Variants in OTOGL observed in about 807,000 individuals in gnomAD.
OTOGL encodes the protein otogelin like.
Under a neutral mutation model 318.5 loss-of-function variants are expected in OTOGL, and 285 were observed. That is an observed-to-expected ratio of 0.89 (90% CI 0.81 to 0.99). The LOEUF (loss-of-function observed/expected upper bound fraction) is 0.99. Ranked by LOEUF, OTOGL falls within the 50% of genes least tolerant of loss-of-function variation. The probability of loss-of-function intolerance (pLI) is 0.00; values close to 1 mark genes in which losing one functional copy is unlikely to be tolerated. For synonymous variants in OTOGL, 987 were observed against 936.5 expected (o/e 1.05, Z -0.99); for missense variants, 2,899 against 2,845.6 (o/e 1.02, Z -0.43).
At chr12:80,264,901 A>T in intron 19 of OTOGL, 100 bp from the exon 20 acceptor site, 1 of 1,198,250 alleles carries the variant, frequency 8.3e-7, no homozygotes, top group Non-Finnish European at 1.2e-6. Context: ...TATTAAAAGT[A>T]ATATGCACTA....
chr12:80,146,266 A>G (rs939587380), intron 1 of OTOGL, among the ~76,000 whole-genome samples: 1 of 146,652 alleles, frequency 6.8e-6, no homozygotes, highest in African/African-American at 2.7e-5. Flanking sequence ...TTTTAGCATG[A>G]AGGGTTGTTG....
At chr12:80,239,576 T>C in intron 11 of OTOGL, 137 bp downstream of exon 11, 1 of 600,138 alleles carries the variant, frequency 1.7e-6, no homozygotes, top group Non-Finnish European at 2.7e-6. Context: ...CAAACAGCTA[T>C]TAAAAGTTTG....
intron 1 of OTOGL, among the ~76,000 whole-genome samples, chr12:80,100,419 C>T (rs903421681): frequency 6.6e-6 from 1 of 151,994 alleles, no homozygotes; most frequent in African/African-American, 2.4e-5. Context: ...ATCTTTTTAT[C>T]TAAATATCAT....
intron 1 of OTOGL, among the ~76,000 whole-genome samples, chr12:80,107,996 A>G (rs954396575): frequency 3.3e-5 from 5 of 152,068 alleles, no homozygotes; most frequent in Non-Finnish European, 5.9e-5. Flanking sequence ...TCTATTGGGT[A>G]CTATGTTTAT....
chr12:80,261,608 A>G (rs1882532563), intron 18 of OTOGL, among the ~76,000 whole-genome samples: 1 of 152,114 alleles, frequency 6.6e-6, no homozygotes, highest in Admixed American at 6.6e-5. Flanking sequence ...GTGTGAGTGT[A>G]TGTGGTTAAG....
intron 1 of OTOGL, among the ~76,000 whole-genome samples, chr12:80,202,141 A>G (rs981791795): frequency 7.9e-5 from 12 of 152,170 alleles, no homozygotes; most frequent in African/African-American, 2.9e-4. Flanking sequence ...TCCTCATAGC[A>G]GAAGAGTGAG....
rs1016380226 is a variant in OTOGL, at chr12:80,103,251, T to A, written c.-20+3646T>A. On this transcript the variant is annotated intron_variant, in intron 1 of 58. Coordinates refer to ENST00000547103, the MANE Select transcript of OTOGL (RefSeq NM_001378609.3). ...TTTGGAAAGAAGGGAAGACATAATC[T>A]TCCTTCGAATGTGGGAAGGTGCGTT... 1.1e-5 allele frequency: 16 copies of A among 1,516,712 alleles called. No homozygotes were observed. The South Asian group carries it at 1.8e-4, about 17-fold the overall frequency. 94.0% of individuals were successfully genotyped at this position (1,516,712 alleles called of 1,614,324 possible).
chr12:80,160,632 G>T lies in OTOGL; in HGVS notation c.-19-48781G>T, dbSNP rs371773237. Reference sequence around the variant, plus strand: ...AAAAGGGAACACTTCTACACTGCTGGTGGGAATGTAAAGTAGTGCAGCCAC... The same window carrying T: ...AAAAGGGAACACTTCTACACTGCTGTTGGGAATGTAAAGTAGTGCAGCCAC... On this transcript the variant is annotated intron_variant, in intron 1 of 58. Coordinates refer to ENST00000547103, the MANE Select transcript of OTOGL (RefSeq NM_001378609.3). Among the ~76,000 whole-genome samples, 12 of 152,282 alleles carry T rather than the reference G, an allele frequency of 7.9e-5. No homozygotes were observed. In the East Asian group the frequency reaches 1.9e-3, roughly 25 times the overall value.
At position 80,190,711 on chromosome 12, in the gene OTOGL, C is replaced by T. The variant is rs192365977; in HGVS notation, c.-19-18702C>T. On this transcript the variant is annotated intron_variant, in intron 1 of 58. Transcript: ENST00000547103. ...CTGAGGCAGGAGAATGGCGTGAACC[C>T]AAGAGGCGGAGCTTGCAGTGAGCCG... Among the ~76,000 whole-genome samples the T allele has an allele frequency of 5.3e-3, 760 of 142,212 alleles. 7 individuals are homozygous for T. The highest frequency in any genetic ancestry group is 0.019 in the African/African-American group (723 of 37,886). 93.3% of individuals were successfully genotyped at this position (142,212 alleles called of 152,430 possible).
chr12:80,373,172 T>G (rs1300505288), intron 57 of OTOGL, among the ~76,000 whole-genome samples: 1 of 152,056 alleles, frequency 6.6e-6, no homozygotes, highest in Non-Finnish European at 1.5e-5. Flanking sequence ...AATAATACCA[T>G]GCTGTAATCA....
chr12:80,226,177 A>ACACACACACACACAC (rs1878824294), intron 7 of OTOGL, among the ~76,000 whole-genome samples: 1 of 132,896 alleles, frequency 7.5e-6, no homozygotes, highest in Non-Finnish European at 1.6e-5. Flanking sequence ...TCCTGCTCCT[A>ACACACACACACACAC]ACACACACAC....
intron 1 of OTOGL, among the ~76,000 whole-genome samples, chr12:80,126,450 T>C (rs1870844038): frequency 6.6e-6 from 1 of 152,208 alleles, no homozygotes; most frequent in South Asian, 2.1e-4. Flanking sequence ...GAGGAGTGCT[T>C]TACTTCCAAC....
intron 7 of OTOGL, among the ~76,000 whole-genome samples, chr12:80,226,553 A>G (rs1728643000): frequency 6.6e-6 from 1 of 152,044 alleles, no homozygotes; most frequent in African/African-American, 2.4e-5. Context: ...CTTTCAATCC[A>G]GACTAGTTGC....
Position 80,336,113 on chromosome 12 carries a change from A to G in OTOGL, c.4573A>G (p.Ile1525Val), listed in dbSNP as rs749124796. The change falls in exon 39 of 59, where the codon ATC (isoleucine) becomes GTC (valine). Residue 1525 changes from isoleucine to valine, a missense_variant. Around this residue, in one of 3 missense-constraint regions of OTOGL, gnomAD observed 2,607 missense variants for 2,524.9 expected, o/e 1.03. Transcript: ENST00000547103. ...AAGGCCAGTTCAAGTGAACAGTGATATCTGCTGCCCTGAGTGGGAATGTCC... is the reference window on the plus strand; with the variant it reads ...AAGGCCAGTTCAAGTGAACAGTGATGTCTGCTGCCCTGAGTGGGAATGTCC... The part of the protein sequence containing the change: ...RGRPVQVNSD[I>V]CCPEWECPCR... The G allele has an allele frequency of 1.8e-5, 28 of 1,597,996 alleles. No homozygotes were observed. The highest frequency in any genetic ancestry group is 3.3e-5 in the Admixed American group (2 of 59,776).
Position 80,254,549 on chromosome 12 carries a change from T to C in OTOGL, c.1420T>C (p.Cys474Arg), listed in dbSNP as rs1237798998. 7 of 1,608,676 alleles carry C rather than the reference T, an allele frequency of 4.4e-6. No homozygotes were observed. Among genetic ancestry groups the C allele is most frequent in the Non-Finnish European group, 6.0e-6 (7 of 1,176,352 alleles). The change falls in exon 15 of 59, where the codon TGC becomes CGC. Residue 474 changes from cysteine (C) to arginine (R), a missense_variant. Physicochemically the swap from Cys to Arg is radical, Grantham distance 180. Around this residue, in one of 3 missense-constraint regions of OTOGL, gnomAD observed 2,607 missense variants for 2,524.9 expected, o/e 1.03. Transcript: ENST00000547103. ...TGTGTGTGTTGGTGGAGTTTGGAAC[T>C]GCACTGAGCAAGACTGTCCAGGTAA... is the stretch of plus-strand genomic sequence containing the variant. The part of the protein sequence containing the change: ...ECVCVGGVWN[C>R]TEQDCPVQCS...
intron 26 of OTOGL, among the ~76,000 whole-genome samples, chr12:80,293,155 A>G (rs1289042380): frequency 6.6e-6 from 1 of 152,124 alleles, no homozygotes; most frequent in Non-Finnish European, 1.5e-5. Context: ...AAAACTTAAT[A>G]AAGATAGCTA....
rs941483527 is a variant in OTOGL at position 80,253,636 on chromosome 12, G to A, written c.1394+62G>A. 3.8e-6 allele frequency: 5 copies of A among 1,329,628 alleles called. No individual in the cohort carries two copies. The Admixed American group carries it at 7.2e-5, about 19-fold the overall frequency. 82.4% of individuals were successfully genotyped at this position (1,329,628 alleles called of 1,614,324 possible). On this transcript the variant is annotated intron_variant, in intron 14 of 58. Coordinates refer to ENST00000547103, the MANE Select transcript of OTOGL (RefSeq NM_001378609.3). ...CTTGGCTAGTTGACAACTTTACCATGACAGATGTTTAAAGGAATATACTCA... is the reference window on the plus strand; with the variant it reads ...CTTGGCTAGTTGACAACTTTACCATAACAGATGTTTAAAGGAATATACTCA...
chr12:80,266,658 C>A (rs916914387), intron 21 of OTOGL, 42 bp downstream of exon 21: 2 of 1,553,638 alleles, frequency 1.3e-6, no homozygotes, highest in African/African-American at 2.7e-5. Flanking sequence ...GTTTTAATCT[C>A]TTTTTCTCCT....
intron 22 of OTOGL, 51 bp downstream of exon 22, chr12:80,267,378 A>G: frequency 1.9e-6 from 2 of 1,026,162 alleles, no homozygotes; most frequent in Non-Finnish European, 2.6e-6. Flanking sequence ...ATGTTCTAAT[A>G]TAATTCTTTC....
Sources: allele counts gnomAD v4.1 joint callset (sites outside exome capture counted in the v4.1 genomes callset), GRCh38; gene constraint gnomAD v4.1.1; regional missense constraint gnomAD v4.1.1; transcripts MANE v1.5; gene names NCBI Gene and HGNC (gene_info 2026-07-23, HGNC 2026-07-21).